Variants in ADAMTS16 observed in about 807,000 individuals in gnomAD.
ADAMTS16 encodes the protein ADAM metallopeptidase with thrombospondin type 1 motif 16.
In ADAMTS16, 94 loss-of-function variants were observed where a neutral mutation model predicts 145.8. The ratio of observed to expected loss-of-function variants is 0.64; its 90% confidence interval spans 0.55 to 0.77. The LOEUF (loss-of-function observed/expected upper bound fraction) is 0.77. Ranked by LOEUF, ADAMTS16 falls within the 30% of genes least tolerant of loss-of-function variation. The pLI, the probability that ADAMTS16 is intolerant of heterozygous loss-of-function variation, is 0.00. For synonymous variants in ADAMTS16, 659 were observed against 604.3 expected (o/e 1.09, Z -1.33); for missense variants, 1,585 against 1,591.5 (o/e 1.00, Z 0.07).
chr5:5,245,884 T>A (rs1389208383), intron 17 of ADAMTS16, among the ~76,000 whole-genome samples: 5 of 152,196 alleles, frequency 3.3e-5, no homozygotes, highest in Admixed American at 3.3e-4. Context: ...ATGACATAAC[T>A]GCATTTTTTA....
At chr5:5,264,891 C>G (rs1305854419) in intron 18 of ADAMTS16, among the ~76,000 whole-genome samples, 1 of 152,218 alleles carries the variant, frequency 6.6e-6, no homozygotes, top group African/African-American at 2.4e-5. Flanking sequence ...GATGGACACA[C>G]ACGACGATGC....
intron 18 of ADAMTS16, among the ~76,000 whole-genome samples, chr5:5,292,099 C>CCTCT (rs1481628302): frequency 6.6e-6 from 1 of 152,194 alleles, no homozygotes; most frequent in African/African-American, 2.4e-5. Context: ...AAGCCACCAG[C>CCTCT]CTCTCACTCT....
At chr5:5,197,809 G>T (rs1735847578) in intron 8 of ADAMTS16, among the ~76,000 whole-genome samples, 1 of 152,166 alleles carries the variant, frequency 6.6e-6, no homozygotes, top group Non-Finnish European at 1.5e-5. Flanking sequence ...TGTGGGCATT[G>T]TACTGATTGG....
chr5:5,168,300 C>T (rs1284378375), intron 3 of ADAMTS16, among the ~76,000 whole-genome samples: 1 of 150,400 alleles, frequency 6.6e-6, no homozygotes, highest in African/African-American at 2.4e-5. Flanking sequence ...ATTGTCTTGA[C>T]TCCTTTAATA....
At chr5:5,221,132 T>C (rs975248731) in intron 10 of ADAMTS16, among the ~76,000 whole-genome samples, 33 of 152,154 alleles carry the variant, frequency 2.2e-4, no homozygotes, top group African/African-American at 6.5e-4. Context: ...AGGGAGTTTA[T>C]TTTTATCCTG....
At chr5:5,205,589 C>T (rs1370022752) in intron 9 of ADAMTS16, among the ~76,000 whole-genome samples, 1 of 152,226 alleles carries the variant, frequency 6.6e-6, no homozygotes, top group African/African-American at 2.4e-5. Context: ...TCTCCACATT[C>T]TCATCAGTGT....
At chr5:5,268,289 T>G (rs1560978440) in intron 18 of ADAMTS16, among the ~76,000 whole-genome samples, 1 of 152,276 alleles carries the variant, frequency 6.6e-6, no homozygotes, top group East Asian at 1.9e-4. Flanking sequence ...GTATCTCCCA[T>G]GTAAAGTATC....
Position 5,319,134 on chromosome 5 carries a change from T to A in ADAMTS16, c.3671T>A (p.Leu1224Ter), listed in dbSNP as rs772119086. 6.2e-7 allele frequency: 1 copy of A among 1,607,252 alleles called. No homozygotes were observed. Among genetic ancestry groups the A allele is most frequent in the Non-Finnish European group, 8.5e-7 (1 of 1,176,362 alleles). ...TGCAAGACTTGCTCTAAGTCCAACT[T>A]GTGAGTTGGGACCGCTCTCCGTAGC... ...QCCKTCSKSNL is the reference protein window; with the variant it reads ...QCCKTCSKSN Residue 1224 changes from leucine to a stop codon, truncating the protein, a stop_gained, in exon 23 of 23, where the codon TTG (leucine) becomes TAG (stop). Coordinates refer to ENST00000274181, the MANE Select transcript of ADAMTS16 (RefSeq NM_139056.4). LOFTEE classifies it high-confidence loss of function.
chr5:5,232,368 T>A lies in ADAMTS16; in HGVS notation c.1702T>A (p.Trp568Arg), dbSNP rs1736955378. The A allele has an allele frequency of 2.5e-6, 4 of 1,613,856 alleles. No individual in the cohort carries two copies. In the South Asian group the frequency reaches 4.4e-5, roughly 18 times the overall value. The change falls in exon 12 of 23, where the codon TGG (tryptophan) becomes AGG (arginine). Residue 568 changes from tryptophan (W) to arginine (R), a missense_variant and splice_region_variant. Trp to Arg is a moderately radical substitution (Grantham distance 101, BLOSUM62 -3). This residue lies in a region of ADAMTS16 where 298 missense variants were observed against 367.6 expected (regional missense o/e 0.81). Transcript: ENST00000274181. Reference protein sequence around the residue: ...AEGTICGHDMWCRGGQCVKYG... With the variant: ...AEGTICGHDMRCRGGQCVKYG... ...AACTTATTTATGTTGAAAATTTTAG[T>A]GGTGCCGGGGAGGACAGTGTGTGAA...
chr5:5,281,425 G>A (rs1738901774), intron 18 of ADAMTS16, among the ~76,000 whole-genome samples: 1 of 152,128 alleles, frequency 6.6e-6, no homozygotes, highest in Admixed American at 6.5e-5. Flanking sequence ...TGTTTGAAGA[G>A]AATATGAGTA....
intron 17 of ADAMTS16, among the ~76,000 whole-genome samples, chr5:5,247,108 A>G (rs886770269): frequency 2.0e-5 from 3 of 152,012 alleles, no homozygotes; most frequent in Non-Finnish European, 2.9e-5. Context: ...CATCTTTTTC[A>G]CAGGAACTGC....
At chr5:5,145,804 G>C (rs1323440399) in intron 2 of ADAMTS16, among the ~76,000 whole-genome samples, 1 of 152,198 alleles carries the variant, frequency 6.6e-6, no homozygotes, top group Non-Finnish European at 1.5e-5. Flanking sequence ...CTCAGCTACA[G>C]TGGTAGGAGC....
intron 18 of ADAMTS16, among the ~76,000 whole-genome samples, chr5:5,266,680 A>G (rs1327677383): frequency 6.6e-6 from 1 of 152,184 alleles, no homozygotes. Context: ...GGATGGCCCC[A>G]GTGGGAAGGG....
chr5:5,206,364 T>TG (rs1736113987), intron 9 of ADAMTS16, among the ~76,000 whole-genome samples: 2 of 106,668 alleles, frequency 1.9e-5, no homozygotes, highest in African/African-American at 7.4e-5. Context: ...AGGCGGAGCT[T>TG]GCAGTGAGCC....
intron 21 of ADAMTS16, among the ~76,000 whole-genome samples, chr5:5,312,448 A>ATTT (rs11458204): frequency 4.5e-5 from 6 of 134,426 alleles, no homozygotes; most frequent in Admixed American, 1.5e-4. Context: ...TGTTGTTGTT[A>ATTT]TTTTTTTTTT....
chr5:5,160,722 T>C (rs1428014), intron 3 of ADAMTS16, among the ~76,000 whole-genome samples: 102,817 of 150,212 alleles, frequency 0.68, 35,879 homozygotes, highest in Middle Eastern at 0.83. Context: ...GTGCACCTGA[T>C]CTTGTCTTAA....
chr5:5,236,793 T>G, intron 13 of ADAMTS16, among the ~76,000 whole-genome samples, 176 bp from the exon 14 acceptor site: 1 of 13,578 alleles, frequency 7.4e-5, no homozygotes, highest in Non-Finnish European at 2.0e-4. Flanking sequence ...ATAAATAAAT[T>G]TAAAGAAACA....
intron 17 of ADAMTS16, among the ~76,000 whole-genome samples, chr5:5,243,441 T>C (rs1260370464): frequency 1.3e-5 from 2 of 152,214 alleles, no homozygotes; most frequent in Non-Finnish European, 2.9e-5. Context: ...AGAAGGACAT[T>C]GTATGCTCTT....
rs1270401558 is a variant in ADAMTS16, at chr5:5,241,146, A to G, written c.2524-907A>G. Among the ~76,000 whole-genome samples the G allele has an allele frequency of 4.1e-5, 6 of 146,570 alleles. No individual in the cohort carries two copies. In the South Asian group the frequency reaches 6.8e-4, roughly 17 times the overall value. On this transcript the variant is annotated intron_variant, in intron 16 of 22. Transcript: ENST00000274181. ...AGAGGGTGGAGCATGGGGCCAGGACACTCAGGGGAGGGTGAGGATCTTTTT... is the reference window on the plus strand; with the variant it reads ...AGAGGGTGGAGCATGGGGCCAGGACGCTCAGGGGAGGGTGAGGATCTTTTT...
Sources: gnomAD v4.1 joint callset for allele counts (sites outside exome capture counted in the v4.1 genomes callset) on GRCh38, gnomAD v4.1.1 for gene constraint, gnomAD v4.1.1 regional missense constraint, MANE v1.5 for transcripts, NCBI Gene and HGNC (gene_info 2026-07-23, HGNC 2026-07-21) for gene names.